THTPA: variants seen among roughly 807,000 people sequenced by gnomAD.
THTPA encodes the protein thiamine-triphosphatase.
In THTPA, 16 loss-of-function variants were observed where a neutral mutation model predicts 16.5. The observed-to-expected ratio is 0.97, with a 90% CI of 0.66 to 1.47. The LOEUF is 1.47. Among genes scored for constraint, THTPA ranks in the 40% most tolerant of loss-of-function variants. The pLI is 0.00. For missense variants in THTPA, 281 were observed against 280.9 expected, an observed-to-expected ratio of 1.00 and a Z score of 0.00; for synonymous variants, 110 against 115.5, an observed-to-expected ratio of 0.95 and a Z score of 0.30.
the THTPA span, chr14:23,531,412 G>A: frequency 7.5e-7 from 1 of 1,336,154 alleles, no homozygotes; most frequent in Non-Finnish European, 9.6e-7. Flanking sequence ...TAACTCCGCA[G>A]CCCCCCTGCT....
the THTPA span, among the ~76,000 whole-genome samples, chr14:23,546,233 C>A: frequency 6.6e-6 from 1 of 152,130 alleles, no homozygotes; most frequent in South Asian, 2.1e-4. The surrounding 1 kb of genome is among the most constrained non-coding windows in gnomAD (Gnocchi z 4.7). Context: ...CCTGTGCATG[C>A]GACATTCCAG....
the THTPA span, chr14:23,521,329 G>A: frequency 3.9e-5 from 6 of 152,574 alleles, no homozygotes; most frequent in African/African-American, 1.4e-4. Flanking sequence ...TTAGAGTTTT[G>A]TGGGCTCCCT....
At position 23,559,841 on chromosome 14, in the gene THTPA, G is replaced by A. The variant is rs1157308575; in HGVS notation, c.*1001G>A. ...TCGTAGGTGAGGCGCAGCTTTAGCC[G>A]CAGGGGGGCCTAGGAATAGGAGAGC... On this transcript the variant is annotated 3_prime_UTR_variant, in exon 2 of 2. Coordinates refer to ENST00000288014, the MANE Select transcript of THTPA (RefSeq NM_024328.6). 3.7e-6 allele frequency: 6 copies of A among 1,613,904 alleles called. No individual in the cohort carries two copies. The highest frequency in any genetic ancestry group is 4.5e-5 in the East Asian group (2 of 44,890).
chr14:23,528,615 G>A, the THTPA span: 11 of 985,336 alleles, frequency 1.1e-5, no homozygotes, highest in Non-Finnish European at 1.3e-5. Flanking sequence ...CCATCACCTG[G>A]AAAGGGGCCC....
Position 23,556,445 on chromosome 14 carries a change from G to C in THTPA, c.-313G>C. On this transcript the variant is annotated 5_prime_UTR_variant, in exon 1 of 2. Coordinates refer to ENST00000288014, the MANE Select transcript of THTPA (RefSeq NM_024328.6). The stretch of plus-strand genomic sequence containing the variant: ...CTGGGGTGGCAAGGTGTAGAGAGGG[G>C]GGCGTTGAAAGGACACCCGCTACCC... 1 of 362,406 alleles carries C rather than the reference G, an allele frequency of 2.8e-6. No homozygotes were observed. 22.4% of individuals were successfully genotyped at this position (362,406 alleles called of 1,614,324 possible).
chr14:23,559,957 C>T lies in THTPA; in HGVS notation c.*1117C>T, dbSNP rs1883291345. The T allele has an allele frequency of 6.2e-7, 1 of 1,613,354 alleles. No homozygotes were observed. The highest frequency in any genetic ancestry group is 1.1e-5 in the South Asian group (1 of 90,956). ...GCTCACCTTGTTAGGATTGAGGATT[C>T]TGAAGAGCTGGGTGATAGGAAGGCC... On this transcript the variant is annotated 3_prime_UTR_variant, in exon 2 of 2. Transcript: ENST00000288014.
the THTPA span, among the ~76,000 whole-genome samples, chr14:23,546,962 T>C: frequency 6.6e-6 from 1 of 152,198 alleles, no homozygotes; most frequent in Non-Finnish European, 1.5e-5. This position sits in a 1 kb window ranked among gnomAD's most constrained non-coding sequence, Gnocchi z 4.7. Context: ...TCCCCTGTCT[T>C]CTTTTGTAGA....
At chr14:23,550,792 A>G in the THTPA span, among the ~76,000 whole-genome samples, 5 of 152,038 alleles carry the variant, frequency 3.3e-5, no homozygotes, top group Non-Finnish European at 5.9e-5. Context: ...TTCAGCCAAA[A>G]ACGAACGAAG....
chr14:23,555,683 TC>T (rs1410201944), upstream of THTPA: 3 of 52,644 alleles, frequency 5.7e-5, no homozygotes, highest in African/African-American at 2.1e-4. Context: ...CCCCCTTCCC[TC>T]CCCCCACCCC....
Position 23,559,788 on chromosome 14 carries a change from G to T in THTPA, c.*948G>T, listed in dbSNP as rs754043131. On this transcript the variant is annotated 3_prime_UTR_variant, in exon 2 of 2. Coordinates refer to ENST00000288014, the MANE Select transcript of THTPA (RefSeq NM_024328.6). ...CCACAGGCAAGTTGTTCACCTCAAA[G>T]ATCTCCTGCACCGACTGGTGAAAGT... The T allele has an allele frequency of 1.2e-6, 2 of 1,614,004 alleles. No individual in the cohort carries two copies. The highest frequency in any genetic ancestry group is 4.5e-5 in the East Asian group (2 of 44,886).
At chr14:23,543,357 C>T in the THTPA span, 1 of 152,226 alleles carries the variant, frequency 6.6e-6, no homozygotes. Flanking sequence ...GATTGGAACT[C>T]AGGTAGCCTG....
chr14:23,531,120 T>C, the THTPA span: 2 of 179,112 alleles, frequency 1.1e-5, no homozygotes, highest in Non-Finnish European at 2.3e-5. Flanking sequence ...CAAGAAGCCC[T>C]GGCCCAGCAC....
At chr14:23,554,502 G>A (rs1025459463), upstream of THTPA, among the ~76,000 whole-genome samples, 1 of 151,782 alleles carries the variant, frequency 6.6e-6, no homozygotes, top group African/African-American at 2.4e-5. Flanking sequence ...TCAACCTCCT[G>A]AGCAGCTGGG....
upstream of THTPA, among the ~76,000 whole-genome samples, chr14:23,553,620 C>T (rs138858707): frequency 2.0e-5 from 3 of 151,564 alleles, no homozygotes; most frequent in Non-Finnish European, 2.9e-5. Flanking sequence ...ACAGGCCGGG[C>T]GTGGTGGCTC....
chr14:23,557,212 G>A lies in THTPA; in HGVS notation c.455G>A (p.Gly152Asp). The A allele has an allele frequency of 6.2e-7, 1 of 1,613,894 alleles. No homozygotes were observed. The highest frequency in any genetic ancestry group is 8.5e-7 in the Non-Finnish European group (1 of 1,179,986). ...GTGGACTTGGATACAGCCGACTTTG[G>A]CTACGCTGTGGGTGAGGTAGAGGCC... ...LRVDLDTADF[G>D]YAVGEVEALV... The change falls in exon 1 of 2, where the codon GGC becomes GAC. Residue 152 changes from glycine to aspartate, a missense_variant. Coordinates refer to ENST00000288014, the MANE Select transcript of THTPA (RefSeq NM_024328.6).
At chr14:23,530,445 G>A in the THTPA span, 1 of 666,896 alleles carries the variant, frequency 1.5e-6, no homozygotes, top group South Asian at 1.5e-5. Flanking sequence ...TCCTTTTATA[G>A]AAGTCCAGCA....
chr14:23,550,772 A>G, the THTPA span, among the ~76,000 whole-genome samples: 1 of 152,072 alleles, frequency 6.6e-6, no homozygotes, highest in Admixed American at 6.5e-5. Context: ...AAAGGAATGG[A>G]AAGCCCAACT....
the THTPA span, chr14:23,526,713 G>A: frequency 6.5e-6 from 10 of 1,535,570 alleles, no homozygotes; most frequent in Non-Finnish European, 8.7e-6. Context: ...AATGAGGAGG[G>A]AACTTCGTTT....
chr14:23,557,373 C>T (rs1415740256), intron 1 of THTPA, 69 bp downstream of exon 1: 35 of 1,446,948 alleles, frequency 2.4e-5, no homozygotes, highest in Middle Eastern at 4.4e-4. Flanking sequence ...ACCTGCTGGA[C>T]CATGCAGTGG....
Sources: gnomAD v4.1 joint callset for allele counts (sites outside exome capture counted in the v4.1 genomes callset) on GRCh38, gnomAD v4.1.1 for gene constraint, Gnocchi (gnomAD v3.1) non-coding constraint, MANE v1.5 for transcripts, NCBI Gene and HGNC (gene_info 2026-07-23, HGNC 2026-07-21) for gene names.